Variants in CALCR observed in about 807,000 individuals in gnomAD.
CALCR encodes the protein calcitonin receptor.
Under a neutral mutation model 59.5 loss-of-function variants are expected in CALCR, and 47 were observed. That is an observed-to-expected ratio of 0.79 (90% CI 0.63 to 1.01). CALCR has a LOEUF of 1.01. CALCR is among the 50% of genes least tolerant of loss of function. The pLI is 0.00. For missense variants in CALCR, 566 were observed against 597.1 expected (o/e 0.95, Z 0.54); for synonymous variants, 213 against 211.3 (o/e 1.01, Z -0.07).
chr7:93,561,432 C>T (rs1250960956), intron 2 of CALCR, among the ~76,000 whole-genome samples: 1 of 151,950 alleles, frequency 6.6e-6, no homozygotes, highest in Non-Finnish European at 1.5e-5. Flanking sequence ...AGCATTTTTG[C>T]TTTTTCAAAA....
chr7:93,501,018 G>A (rs1235768089), intron 2 of CALCR, among the ~76,000 whole-genome samples: 1 of 151,962 alleles, frequency 6.6e-6, no homozygotes. Context: ...TGTGTAAGTA[G>A]TTCAAAAGGT....
intron 2 of CALCR, chr7:93,495,951 G>A (rs1801192510): frequency 2.6e-6 from 4 of 1,520,618 alleles, no homozygotes; most frequent in Non-Finnish European, 1.8e-6. Context: ...GCAAAAGTGG[G>A]TGGATCAGTG....
chr7:93,524,360 C>T (rs904898966), intron 2 of CALCR, among the ~76,000 whole-genome samples: 1 of 151,682 alleles, frequency 6.6e-6, no homozygotes, highest in East Asian at 1.9e-4. Flanking sequence ...TTAGTAGAGA[C>T]GCGGTTTCAC....
At chr7:93,441,452 G>C in intron 9 of CALCR, 1 of 442,166 alleles carries the variant, frequency 2.3e-6, no homozygotes, top group South Asian at 1.6e-5. Context: ...TCTATTCTTA[G>C]CATGACCAGA....
chr7:93,538,699 CAGAT>C (rs1789053078), intron 2 of CALCR, among the ~76,000 whole-genome samples: 2 of 152,158 alleles, frequency 1.3e-5, no homozygotes, highest in African/African-American at 4.8e-5. Context: ...TTTCTCTAGA[CAGAT>C]AGGTGTACAT....
intron 2 of CALCR, among the ~76,000 whole-genome samples, chr7:93,562,609 T>C (rs920332226): frequency 3.3e-5 from 5 of 152,190 alleles, no homozygotes; most frequent in African/African-American, 1.2e-4. Context: ...CTCCCACACC[T>C]GTTGCCCACT....
intron 2 of CALCR, among the ~76,000 whole-genome samples, chr7:93,532,549 A>T (rs779000604): frequency 1.6e-4 from 24 of 152,030 alleles, no homozygotes; most frequent in Admixed American, 8.6e-4. Context: ...AAAGCTACAT[A>T]ATTGCTCTTC....
At chr7:93,518,346 T>C (rs1254379642) in intron 2 of CALCR, among the ~76,000 whole-genome samples, 2 of 151,760 alleles carry the variant, frequency 1.3e-5, no homozygotes, top group Non-Finnish European at 3.0e-5. Flanking sequence ...GAAAACTCAA[T>C]AAAAATGAAC....
rs577651787 is a variant in CALCR, at chr7:93,570,149, T to C, written c.-27+4140A>G. Reference sequence around the variant, plus strand: ...TTGGATAGGAAAGCTAAACTAGGATTATACCATGAAACATCTTAAATACCA... The same window carrying C: ...TTGGATAGGAAAGCTAAACTAGGATCATACCATGAAACATCTTAAATACCA... On this transcript the variant is annotated intron_variant, in intron 2 of 13. Transcript: ENST00000426151. Among the ~76,000 whole-genome samples, 8 of 152,204 alleles carry C rather than the reference T, an allele frequency of 5.3e-5. No homozygotes were observed. In the South Asian group the frequency reaches 1.7e-3, roughly 32 times the overall value.
At chr7:93,533,760 A>C (rs1483527968) in intron 2 of CALCR, among the ~76,000 whole-genome samples, 1 of 151,824 alleles carries the variant, frequency 6.6e-6, no homozygotes, top group African/African-American at 2.4e-5. Context: ...AAACCTAAAA[A>C]GTGTCAATGT....
At chr7:93,434,419 T>A in intron 12 of CALCR, 125 bp from the exon 13 acceptor site, 1 of 652,398 alleles carries the variant, frequency 1.5e-6, no homozygotes, top group Non-Finnish European at 2.7e-6. Flanking sequence ...AAAAGAATTA[T>A]CTACCATTCA....
At chr7:93,495,924 A>G (rs983802914) in intron 2 of CALCR, 2 of 1,529,712 alleles carry the variant, frequency 1.3e-6, no homozygotes, top group East Asian at 2.5e-5. Context: ...CTCTCCAGAA[A>G]ATTGCATCCT....
chr7:93,548,839 A>AGTGTGTGTGTGT lies in CALCR; in HGVS notation c.-27+25438_-27+25449dup, dbSNP rs754317267. ...AATTGCAATAATTCAATCCAGAAGA[A>AGTGTGTGTGTGT]GTGTGTGTGTGTGTGTGTGTGTGTG... On this transcript the variant is annotated intron_variant, in intron 2 of 13. Coordinates refer to ENST00000426151, the MANE Select transcript of CALCR (RefSeq NM_001742.4). Among the ~76,000 whole-genome samples the AGTGTGTGTGTGT allele has an allele frequency of 1.8e-3, 254 of 137,430 alleles. 6 individuals are homozygous for AGTGTGTGTGTGT. In the East Asian group the frequency reaches 0.032, roughly 17 times the overall value. 90.2% of individuals were successfully genotyped at this position (137,430 alleles called of 152,430 possible). A position where few individuals can be genotyped will look rare whatever the true frequency, so the allele number is the denominator to read the frequency against.
Position 93,426,524 on chromosome 7 carries a change from C to T in CALCR, c.1257G>A (p.Arg419=). Reference sequence around the variant, plus strand: ...CGCGAGCAGAGCGGTTGGAGGGGCGCCTCCCCCAACGCTGGTTCCACTGAA... The same window carrying T: ...CGCGAGCAGAGCGGTTGGAGGGGCGTCTCCCCCAACGCTGGTTCCACTGAA... ...FKIQWNQRWG[R]RPSNRSARAA... The change falls in exon 14 of 14, where the codon AGG becomes AGA. Residue 419 remains arginine, a synonymous_variant. Coordinates refer to ENST00000426151, the MANE Select transcript of CALCR (RefSeq NM_001742.4). 2 of 1,613,676 alleles carry T rather than the reference C, an allele frequency of 1.2e-6. No homozygotes were observed. Among genetic ancestry groups the T allele is most frequent in the Non-Finnish European group, 1.7e-6 (2 of 1,179,634 alleles).
chr7:93,460,836 G>T lies in CALCR; in HGVS notation c.633C>A (p.Leu211=). 6.2e-7 allele frequency: 1 copy of T among 1,607,042 alleles called. No homozygotes were observed. Among genetic ancestry groups the T allele is most frequent in the Admixed American group, 1.7e-5 (1 of 58,540 alleles). Residue 211 remains leucine (L), a synonymous_variant, in exon 8 of 14, where the codon CTC becomes CTA. Transcript: ENST00000426151. ...CAGTACTTACCGGGTCCCTTCGCAC[G>T]AGCTCTCCATTGGGTACTACTTCAA... The part of the protein sequence containing the change: ...HLVEVVPNGE[L]VRRDPVSCKI...
rs1373671429 is a variant in CALCR at position 93,534,467 on chromosome 7, C to T, written c.-27+39822G>A. On this transcript the variant is annotated intron_variant, in intron 2 of 13. Coordinates refer to ENST00000426151, the MANE Select transcript of CALCR (RefSeq NM_001742.4). ...GCATAGAATTGCTCAAGATGGTAAG[C>T]CTGACTCCTTCAAAAATAATTGTCA... Among the ~76,000 whole-genome samples, 6 of 151,298 alleles carry T rather than the reference C, an allele frequency of 4.0e-5. No individual in the cohort carries two copies. In the South Asian group the frequency reaches 8.4e-4, roughly 21 times the overall value.
At chr7:93,524,886 T>G (rs546243977) in intron 2 of CALCR, among the ~76,000 whole-genome samples, 1 of 152,164 alleles carries the variant, frequency 6.6e-6, no homozygotes, top group Non-Finnish European at 1.5e-5. Flanking sequence ...CTAAAGTTTT[T>G]AGGGCAAGTC....
intron 2 of CALCR, among the ~76,000 whole-genome samples, chr7:93,518,098 T>G (rs1359999821): frequency 6.6e-6 from 1 of 151,914 alleles, no homozygotes; most frequent in Non-Finnish European, 1.5e-5. Flanking sequence ...ATGTGTATTT[T>G]TGTAATCACA....
chr7:93,526,920 A>G (rs1020560968), intron 2 of CALCR, among the ~76,000 whole-genome samples: 1 of 152,092 alleles, frequency 6.6e-6, no homozygotes, highest in Non-Finnish European at 1.5e-5. Flanking sequence ...AATACATGGC[A>G]TTAAGTTAGT....
Sources: allele counts gnomAD v4.1 joint callset (sites outside exome capture counted in the v4.1 genomes callset), GRCh38; gene constraint gnomAD v4.1.1; transcripts MANE v1.5; gene names NCBI Gene and HGNC (gene_info 2026-07-23, HGNC 2026-07-21).